CNTNAP2: variants seen among roughly 807,000 people sequenced by gnomAD.
CNTNAP2 encodes contactin associated protein 2.
Under a neutral mutation model 155.2 loss-of-function variants are expected in CNTNAP2, and 98 were observed. The observed-to-expected ratio is 0.63, with a 90% CI of 0.54 to 0.75. The LOEUF (loss-of-function observed/expected upper bound fraction) is 0.75. Ranked by LOEUF, CNTNAP2 falls within the 30% of genes least tolerant of loss-of-function variation. The pLI, the probability that CNTNAP2 is intolerant of heterozygous loss-of-function variation, is 0.00. For missense variants in CNTNAP2, 1,727 were observed against 1,688.1 expected, an observed-to-expected ratio of 1.02 and a Z score of -0.40; for synonymous variants, 651 against 631.2, an observed-to-expected ratio of 1.03 and a Z score of -0.47.
At chr7:148,262,300 T>A (rs945568682) in intron 20 of CNTNAP2, among the ~76,000 whole-genome samples, 1 of 152,120 alleles carries the variant, frequency 6.6e-6, no homozygotes, top group Non-Finnish European at 1.5e-5. Flanking sequence ...GAGAAAGAGA[T>A]GTTTTGGTTT....
intron 21 of CNTNAP2, among the ~76,000 whole-genome samples, chr7:148,364,312 C>G (rs1458634397): frequency 2.0e-5 from 3 of 152,256 alleles, no homozygotes; most frequent in Non-Finnish European, 4.4e-5. Context: ...ATATCTAGCT[C>G]AGGGATTGTA....
At chr7:146,726,934 A>G (rs916424375) in intron 1 of CNTNAP2, among the ~76,000 whole-genome samples, 1 of 152,192 alleles carries the variant, frequency 6.6e-6, no homozygotes, top group African/African-American at 2.4e-5. Context: ...AGTCATGCCC[A>G]TTAAATATAA....
chr7:147,201,490 A>G (rs1802920783), intron 8 of CNTNAP2, among the ~76,000 whole-genome samples: 1 of 152,056 alleles, frequency 6.6e-6, no homozygotes, highest in Non-Finnish European at 1.5e-5. Flanking sequence ...CTTTAGAAAT[A>G]TTATATCCTG....
chr7:147,481,421 A>G (rs1302559650), intron 10 of CNTNAP2, among the ~76,000 whole-genome samples: 1 of 152,228 alleles, frequency 6.6e-6, no homozygotes, highest in African/African-American at 2.4e-5. Context: ...GTTCAGAAAT[A>G]AAAGAGATGC....
At chr7:146,387,244 A>G (rs1795474427) in intron 1 of CNTNAP2, among the ~76,000 whole-genome samples, 1 of 152,288 alleles carries the variant, frequency 6.6e-6, no homozygotes, top group Non-Finnish European at 1.5e-5. Context: ...TTTAACTTCC[A>G]GAGCACCTGC....
At chr7:147,222,341 T>A (rs533941823) in intron 8 of CNTNAP2, among the ~76,000 whole-genome samples, 1 of 152,276 alleles carries the variant, frequency 6.6e-6, no homozygotes, top group South Asian at 2.1e-4. Context: ...CTCAGAGAAT[T>A]TTTCCTGGAC....
At chr7:147,369,681 C>T (rs1525227) in intron 9 of CNTNAP2, among the ~76,000 whole-genome samples, 40,657 of 151,990 alleles carry the variant, frequency 0.27, 5,641 homozygotes, top group African/African-American at 0.29. Context: ...GGAACATACT[C>T]CTGTTCCTCA....
In CNTNAP2 at chr7:146,550,417, T is replaced by TGTTG. The variant is rs1563130855; in HGVS notation, c.98-223854_98-223853insGTTG. Among the ~76,000 whole-genome samples the TGTTG allele has an allele frequency of 1.0e-4, 14 of 134,534 alleles. 1 individual carries two copies. The highest frequency in any genetic ancestry group is 1.7e-4 in the Non-Finnish European group (10 of 60,196). The allele number at this position is 134,534 out of a possible 152,430, so 88.3% of individuals were successfully genotyped here. Reference sequence around the variant, plus strand: ...CATTAATCTGTTTTTTTTTTTTTTTTTTTTTTTTTTTTATAAAGTACCCGA... The same window carrying TGTTG: ...CATTAATCTGTTTTTTTTTTTTTTTTGTTGTTTTTTTTTTTTATAAAGTACCCGA... On this transcript the variant is annotated intron_variant, in intron 1 of 23. Coordinates refer to ENST00000361727, the MANE Select transcript of CNTNAP2 (RefSeq NM_014141.6).
chr7:147,247,944 A>T (rs1563132665), intron 8 of CNTNAP2, among the ~76,000 whole-genome samples: 1 of 152,160 alleles, frequency 6.6e-6, no homozygotes, highest in Non-Finnish European at 1.5e-5. Context: ...AAAATTTTTA[A>T]AAAAAGGTAT....
intron 1 of CNTNAP2, among the ~76,000 whole-genome samples, chr7:146,641,134 G>A (rs1026134414): frequency 6.6e-6 from 1 of 152,116 alleles, no homozygotes; most frequent in African/African-American, 2.4e-5. Flanking sequence ...AGGCCATCCT[G>A]GCTAACACTG....
intron 3 of CNTNAP2, among the ~76,000 whole-genome samples, chr7:146,864,222 T>A (rs1795158902): frequency 6.6e-6 from 1 of 152,074 alleles, no homozygotes. Flanking sequence ...ATTAGAAAAG[T>A]AAATCCAATA....
At chr7:148,321,901 T>C (rs1030552007) in intron 21 of CNTNAP2, among the ~76,000 whole-genome samples, 1 of 151,582 alleles carries the variant, frequency 6.6e-6, no homozygotes, top group Non-Finnish European at 1.5e-5. Context: ...ATTCTTCTTT[T>C]TTTTTTTTTT....
intron 20 of CNTNAP2, among the ~76,000 whole-genome samples, chr7:148,241,890 A>C (rs1796164459): frequency 6.6e-6 from 1 of 152,214 alleles, no homozygotes; most frequent in South Asian, 2.1e-4. Flanking sequence ...ACTCCAGAAA[A>C]ATGTGTTTAC....
At chr7:147,511,378 T>C (rs1799017797) in intron 11 of CNTNAP2, among the ~76,000 whole-genome samples, 1 of 152,138 alleles carries the variant, frequency 6.6e-6, no homozygotes, top group African/African-American at 2.4e-5. Flanking sequence ...TATTTAATTC[T>C]TCATTTCTTT....
chr7:147,108,110 T>C, intron 4 of CNTNAP2, 37 bp from the exon 5 acceptor site: 1 of 1,568,316 alleles, frequency 6.4e-7, no homozygotes, highest in Non-Finnish European at 8.7e-7. Flanking sequence ...GTAACATACA[T>C]GGCTGAACTA....
At chr7:148,199,613 C>T (rs937440675) in intron 18 of CNTNAP2, among the ~76,000 whole-genome samples, 4 of 152,276 alleles carry the variant, frequency 2.6e-5, no homozygotes, top group Admixed American at 6.5e-5. Context: ...TAACCACAAG[C>T]TACATGTGGA....
At chr7:147,898,066 T>C (rs1486853436) in intron 13 of CNTNAP2, among the ~76,000 whole-genome samples, 1 of 152,208 alleles carries the variant, frequency 6.6e-6, no homozygotes, top group Non-Finnish European at 1.5e-5. Context: ...AAGTCAAATA[T>C]ACTTTCTTTA....
chr7:147,706,842 TTGTC>T (rs764249563), intron 13 of CNTNAP2, among the ~76,000 whole-genome samples: 1 of 152,206 alleles, frequency 6.6e-6, no homozygotes, highest in Non-Finnish European at 1.5e-5. Flanking sequence ...AAAATTATTT[TTGTC>T]TGGCTGGGTT....
chr7:147,787,023 G>A (rs1797751293), intron 13 of CNTNAP2, among the ~76,000 whole-genome samples: 4 of 151,978 alleles, frequency 2.6e-5, no homozygotes, highest in African/African-American at 7.3e-5. Context: ...GAGAGAGAGA[G>A]AGAAGACAAG....
Sources: gnomAD v4.1 joint callset for allele counts (sites outside exome capture counted in the v4.1 genomes callset) on GRCh38, gnomAD v4.1.1 for gene constraint, MANE v1.5 for transcripts, NCBI Gene and HGNC (gene_info 2026-07-23, HGNC 2026-07-21) for gene names.